Variants in DYSF observed in about 807,000 individuals in gnomAD.
The protein encoded by DYSF is dystrophy-associated fer-1-like 1.
DYSF carries 212 observed loss-of-function variants against 274.9 expected under a neutral mutation model. The ratio of observed to expected loss-of-function variants is 0.77; its 90% CI spans 0.69 to 0.86. The LOEUF is 0.86. DYSF is among the 40% of genes least tolerant of loss of function. The probability of loss-of-function intolerance (pLI) is 0.00; values close to 1 mark genes in which losing one functional copy is unlikely to be tolerated. For missense variants in DYSF, 2,666 were observed against 2,783.2 expected (o/e 0.96, Z 0.95); for synonymous variants, 1,091 against 1,078.7 (o/e 1.01, Z -0.22).
At chr2:71,552,722 AT>A (rs2091037276) in intron 19 of DYSF, among the ~76,000 whole-genome samples, 1 of 152,214 alleles carries the variant, frequency 6.6e-6, no homozygotes, top group South Asian at 2.1e-4. Flanking sequence ...CACTCAGCTG[AT>A]GTGGTGGTAC....
rs1296743118 is a variant in DYSF at position 71,551,096 on chromosome 2, T to C, written c.1632T>C (p.Tyr544=). ...TTGGGCCCTGCTACATCAACCTCTA[T>C]GGCAGTCCCAGAGAGTTCACAGGCT... ...PTFGPCYINL[Y]GSPREFTGFP... Residue 544 remains tyrosine (Y), a synonymous_variant, in exon 18 of 56, where the codon TAT becomes TAC. Coordinates refer to ENST00000410020, the MANE Select transcript of DYSF (RefSeq NM_001130987.2). 1.1e-5 allele frequency: 17 copies of C among 1,614,008 alleles called. No homozygotes were observed. In the Admixed American group the frequency reaches 2.8e-4, roughly 27 times the overall value.
rs992254996 is a variant in DYSF, at chr2:71,574,505, C to T, written c.3402+134C>T. On this transcript the variant is annotated intron_variant, in intron 30 of 55. Coordinates refer to ENST00000410020, the MANE Select transcript of DYSF (RefSeq NM_001130987.2). ...ATGGAACGCTGGCTGGTCATCCTGGCGTCAGTACCTGTGGGGTGGCATGTG... is the reference window on the plus strand; with the variant it reads ...ATGGAACGCTGGCTGGTCATCCTGGTGTCAGTACCTGTGGGGTGGCATGTG... 19 of 1,105,122 alleles carry T rather than the reference C, an allele frequency of 1.7e-5. No individual in the cohort carries two copies. The Admixed American group carries it at 1.9e-4, about 11-fold the overall frequency. 68.5% of individuals were successfully genotyped at this position (1,105,122 alleles called of 1,614,324 possible).
intron 42 of DYSF, among the ~76,000 whole-genome samples, chr2:71,655,268 A>C (rs1244732018): frequency 9.2e-5 from 14 of 152,146 alleles, no homozygotes; most frequent in Non-Finnish European, 1.5e-5. Flanking sequence ...TTTTAAAAAT[A>C]TTTGCTTATA....
At chr2:71,662,824 G>A (rs1222614113) in intron 45 of DYSF, among the ~76,000 whole-genome samples, 1 of 146,000 alleles carries the variant, frequency 6.8e-6, no homozygotes, top group East Asian at 2.1e-4. Context: ...GTGTGTATAT[G>A]TGCATTTGTG....
chr2:71,569,156 G>A (rs1165322464), intron 26 of DYSF, among the ~76,000 whole-genome samples: 4 of 152,238 alleles, frequency 2.6e-5, no homozygotes, highest in Non-Finnish European at 5.9e-5. Flanking sequence ...TTACAGGCTT[G>A]AGCCACCGCG....
chr2:71,548,422 A>G lies in DYSF; in HGVS notation c.1577-2619A>G, dbSNP rs115596456. On this transcript the variant is annotated intron_variant, in intron 17 of 55. Transcript: ENST00000410020. ...AGGGAAGTAATCAGCAAGTTCACCA[A>G]CCACATCCCGGGTGTGCACGTGACC... Among the ~76,000 whole-genome samples, 1,472 of 152,278 alleles carry G rather than the reference A, an allele frequency of 9.7e-3. 23 individuals carry two copies. The highest frequency in any genetic ancestry group is 0.034 in the African/African-American group (1,413 of 41,558).
At chr2:71,650,041 A>T (rs1254189271) in intron 42 of DYSF, among the ~76,000 whole-genome samples, 1 of 152,206 alleles carries the variant, frequency 6.6e-6, no homozygotes, top group Non-Finnish European at 1.5e-5. Flanking sequence ...TATGACACTT[A>T]TGAGAATATC....
chr2:71,617,835 A>T (rs201228570), intron 40 of DYSF, among the ~76,000 whole-genome samples: 401 of 13,604 alleles, frequency 0.029, no homozygotes, highest in Non-Finnish European at 0.045. Context: ...GTGGGGTATA[A>T]GTGTGTGTGG....
intron 32 of DYSF, 24 bp from the exon 33 acceptor site, chr2:71,598,540 C>T: frequency 6.2e-7 from 1 of 1,613,956 alleles, no homozygotes; most frequent in African/African-American, 1.3e-5. Context: ...TCCTGTCTCC[C>T]CTCCCCCTCT....
chr2:71,540,043 T>C (rs1016273792), intron 17 of DYSF, among the ~76,000 whole-genome samples: 3 of 151,930 alleles, frequency 2.0e-5, no homozygotes, highest in African/African-American at 7.3e-5. Flanking sequence ...CTTTATATAA[T>C]TCATGAGTTT....
At chr2:71,544,164 G>C (rs547858039) in intron 17 of DYSF, among the ~76,000 whole-genome samples, 121 of 152,144 alleles carry the variant, frequency 8.0e-4, no homozygotes, top group Non-Finnish European at 1.2e-3. Context: ...TGAATCTTAT[G>C]GATGTGGTTT....
At chr2:71,668,515 C>T (rs1360572330) in intron 48 of DYSF, among the ~76,000 whole-genome samples, 1 of 152,192 alleles carries the variant, frequency 6.6e-6, no homozygotes, top group African/African-American at 2.4e-5. Flanking sequence ...CAGCCACCAC[C>T]ATCTCTGAGA....
rs368451006 is a variant in DYSF at position 71,612,775 on chromosome 2, G to A, written c.4356G>A (p.Ser1452=). 1.5e-5 allele frequency: 25 copies of A among 1,613,786 alleles called. No individual in the cohort carries two copies. The highest frequency in any genetic ancestry group is 6.6e-5 in the South Asian group (6 of 91,064). ...AGAGCTTCCTGTGTGACCCCTACTC[G>A]GCGGAGAGTCCATCCCCACAGGGTG... is the stretch of plus-strand genomic sequence containing the variant. ...SLESFLCDPY[S]AESPSPQGGP... Residue 1452 remains serine, a synonymous_variant, in exon 39 of 56, where the codon TCG becomes TCA. Coordinates refer to ENST00000410020, the MANE Select transcript of DYSF (RefSeq NM_001130987.2).
At chr2:71,671,091 C>T (rs2095111959) in intron 51 of DYSF, among the ~76,000 whole-genome samples, 1 of 152,164 alleles carries the variant, frequency 6.6e-6, no homozygotes, top group South Asian at 2.1e-4. Context: ...ATGGCCCTTC[C>T]CAGCCTAACA....
chr2:71,655,998 T>C (rs1438231612), intron 42 of DYSF, among the ~76,000 whole-genome samples, 164 bp from the exon 43 acceptor site: 1 of 152,242 alleles, frequency 6.6e-6, no homozygotes, highest in East Asian at 1.9e-4. Context: ...TCCTTTATTT[T>C]GTTTTTGGTC....
Position 71,569,901 on chromosome 2 carries a change from G to A in DYSF, c.2946G>A (p.Gln982=), listed in dbSNP as rs770460209. Residue 982 remains glutamine (Q), a synonymous_variant, in exon 27 of 56, where the codon CAG becomes CAA. Transcript: ENST00000410020. Reference sequence around the variant, plus strand: ...ACCAGACCCGGCTTCCCGGAGGCCAGTGGATCTACATGAGTGACAACTACA... The same window carrying A: ...ACCAGACCCGGCTTCCCGGAGGCCAATGGATCTACATGAGTGACAACTACA... The part of the protein sequence containing the change: ...FENQTRLPGG[Q]WIYMSDNYTD... The A allele has an allele frequency of 1.2e-6, 2 of 1,614,172 alleles. No homozygotes were observed. Among genetic ancestry groups the A allele is most frequent in the Admixed American group, 3.3e-5 (2 of 60,032 alleles).
intron 1 of DYSF, among the ~76,000 whole-genome samples, chr2:71,458,507 T>G (rs2081160923): frequency 6.6e-6 from 1 of 152,184 alleles, no homozygotes; most frequent in African/African-American, 2.4e-5. Flanking sequence ...GAGCAGTCCC[T>G]TCTGAGGCGA....
intron 3 of DYSF, among the ~76,000 whole-genome samples, chr2:71,496,200 T>C (rs535977199): frequency 1.3e-5 from 2 of 152,252 alleles, no homozygotes; most frequent in South Asian, 4.1e-4. Context: ...CTTTTTAAAA[T>C]GGCCACTCAA....
chr2:71,508,869 T>C (rs2085775980), intron 4 of DYSF, among the ~76,000 whole-genome samples: 1 of 152,224 alleles, frequency 6.6e-6, no homozygotes, highest in South Asian at 2.1e-4. Context: ...TTTACTTTTT[T>C]TGAGACGGTA....
Sources: allele counts gnomAD v4.1 joint callset (sites outside exome capture counted in the v4.1 genomes callset), GRCh38; gene constraint gnomAD v4.1.1; transcripts MANE v1.5; gene names NCBI Gene and HGNC (gene_info 2026-07-23, HGNC 2026-07-21).